KIN: variants seen among roughly 807,000 people sequenced by gnomAD.
The protein encoded by KIN is Kin17 DNA and RNA binding protein.
Under a neutral mutation model 63.0 loss-of-function variants are expected in KIN, and 47 were observed. The observed-to-expected ratio is 0.75, with a 90% CI of 0.59 to 0.95. The LOEUF is 0.95. KIN is among the 40% of genes least tolerant of loss of function. The pLI, the probability that KIN is intolerant of heterozygous loss-of-function variation, is 0.00. For synonymous variants in KIN, 160 were observed against 157.7 expected, an observed-to-expected ratio of 1.01 and a Z score of -0.11; for missense variants, 408 against 460.9, an observed-to-expected ratio of 0.89 and a Z score of 1.05.
Position 7,780,137 on chromosome 10 carries a change from T to G in KIN, c.295A>C (p.Ile99Leu). Residue 99 changes from isoleucine to leucine, a missense_variant, in exon 4 of 13, where the codon ATC becomes CTC. Physicochemically the swap from Ile to Leu is conservative, Grantham distance 5. Coordinates refer to ENST00000379562, the MANE Select transcript of KIN (RefSeq NM_012311.4). ...ATGTGGATGTGCTCTCGGTGGCTGA[T>G]GTATTCGTTGTAGACAATGTTGTTG... Reference protein sequence around the residue: ...VHNNIVYNEYISHREHIHMNA... With the variant: ...VHNNIVYNEYLSHREHIHMNA... 1 of 1,611,280 alleles carries G rather than the reference T, an allele frequency of 6.2e-7. No individual in the cohort carries two copies. The highest frequency in any genetic ancestry group is 8.5e-7 in the Non-Finnish European group (1 of 1,178,352).
At chr10:7,765,929 A>G (rs1251136447) in intron 9 of KIN, 124 bp downstream of exon 9, 1 of 583,448 alleles carries the variant, frequency 1.7e-6, no homozygotes, top group Admixed American at 3.4e-5. Flanking sequence ...ATTATAAGTT[A>G]TAACTAACTC....
At chr10:7,764,631 CG>C (rs914069689) in intron 9 of KIN, among the ~76,000 whole-genome samples, 19 of 152,096 alleles carry the variant, frequency 1.2e-4, no homozygotes, top group African/African-American at 4.3e-4. Context: ...GATAGGTTTA[CG>C]GAAAAATGTG....
intron 2 of KIN, among the ~76,000 whole-genome samples, chr10:7,781,516 A>C (rs1310503409): frequency 6.6e-6 from 1 of 151,202 alleles, no homozygotes; most frequent in Non-Finnish European, 1.5e-5. Flanking sequence ...ACTTTGGGAG[A>C]TCGAGAGAGG....
At position 7,778,969 on chromosome 10, in the gene KIN, C is replaced by T; in HGVS notation, c.427G>A (p.Asp143Asn). Residue 143 changes from aspartate to asparagine, a missense_variant, in exon 5 of 13, where the codon GAC (aspartate) becomes AAC (asparagine). By Grantham distance (23) the Asp-to-Asn change is conservative. Around this residue, in one of 2 missense-constraint regions of KIN, gnomAD observed 298 missense variants for 296.0 expected, o/e 1.01. Transcript: ENST00000379562. ...CGGCGGATAGTTTCTGGGTCCCTGTCTATGTACTGAATATACCAGCCTTTT... is the reference window on the plus strand; with the variant it reads ...CGGCGGATAGTTTCTGGGTCCCTGTTTATGTACTGAATATACCAGCCTTTT... Reference protein sequence around the residue: ...TPKGWYIQYIDRDPETIRRQL... With the variant: ...TPKGWYIQYINRDPETIRRQL... 3.7e-6 allele frequency: 6 copies of T among 1,614,002 alleles called. No homozygotes were observed. The highest frequency in any genetic ancestry group is 5.1e-6 in the Non-Finnish European group (6 of 1,180,010).
At chr10:7,765,969 G>A (rs1356398564) in intron 9 of KIN, 84 bp downstream of exon 9, 2 of 943,826 alleles carry the variant, frequency 2.1e-6, no homozygotes, top group East Asian at 2.4e-5. Flanking sequence ...TGTTTGAAAA[G>A]TTTAGTTACT....
rs778265485 is a variant in KIN at position 7,762,476 on chromosome 10, C to T, written c.999G>A (p.Glu333=). Reference sequence around the variant, plus strand: ...ATTTACCTGGTGCTGGAATTACTGTCTCTAAATGAGTCTGGTCAAGTTTCA... The same window carrying T: ...ATTTACCTGGTGCTGGAATTACTGTTTCTAAATGAGTCTGGTCAAGTTTCA... The part of the protein sequence containing the change: ...DKLKLDQTHL[E]TVIPAPGKRI... Residue 333 remains glutamate (E), a synonymous_variant, in exon 11 of 13, where the codon GAG becomes GAA. Transcript: ENST00000379562. 6.2e-7 allele frequency: 1 copy of T among 1,608,232 alleles called. No homozygotes were observed.
Position 7,751,680 on chromosome 10 carries a change from T to C in KIN, c.*4400A>G, listed in dbSNP as rs867685407. The C allele has an allele frequency of 1.3e-5, 2 of 152,230 alleles. No individual in the cohort carries two copies. Among genetic ancestry groups the C allele is most frequent in the Non-Finnish European group, 2.9e-5 (2 of 68,042 alleles). 9.4% of individuals were successfully genotyped at this position (152,230 alleles called of 1,614,324 possible). On this transcript the variant is annotated 3_prime_UTR_variant, in exon 13 of 13. Transcript: ENST00000379562. ...TGAAAAACCTACTGCATCTTTTCCA[T>C]TTCCTATTTCAAAAATAGAAAAATA...
In KIN at chr10:7,778,840, G is replaced by C. The variant is rs947944866; in HGVS notation, c.556C>G (p.Gln186Glu). Residue 186 changes from glutamine (Q) to glutamate (E), a missense_variant and splice_region_variant, in exon 5 of 13, where the codon CAG becomes GAG. By Grantham distance (29) the Gln-to-Glu change is conservative. This residue lies in a region of KIN where 298 missense variants were observed against 296.0 expected (regional missense o/e 1.01). Transcript: ENST00000379562. ...QVRRGLEGKE[Q>E]EVPTFTELSR... ...TCAGGATGATGTTGCTTACCCACCT[G>C]TTCCTTCCCTTCCAGGCCTCTTCTC... 2 of 1,613,628 alleles carry C rather than the reference G, an allele frequency of 1.2e-6. No homozygotes were observed. Among genetic ancestry groups the C allele is most frequent in the Non-Finnish European group, 1.7e-6 (2 of 1,179,914 alleles).
chr10:7,770,881 T>C (rs1353023814), intron 7 of KIN, among the ~76,000 whole-genome samples: 1 of 152,220 alleles, frequency 6.6e-6, no homozygotes, highest in East Asian at 1.9e-4. Context: ...TACTTTAAGC[T>C]TGAAGTCAAC....
rs1835283593 is a variant in KIN at position 7,753,991 on chromosome 10, A to AG, written c.*2088dup. The stretch of plus-strand genomic sequence containing the variant: ...AGCTTATACCCATCCTCATGTTTGA[A>AG]GTGATCATCCTGGTATGGTCTGTTT... On this transcript the variant is annotated 3_prime_UTR_variant, in exon 13 of 13. Coordinates refer to ENST00000379562, the MANE Select transcript of KIN (RefSeq NM_012311.4). 6.6e-6 allele frequency: 3 copies of AG among 455,498 alleles called. No homozygotes were observed. Among genetic ancestry groups the AG allele is most frequent in the Non-Finnish European group, 1.3e-5 (3 of 226,586 alleles). 28.2% of individuals were successfully genotyped at this position (455,498 alleles called of 1,614,324 possible).
At chr10:7,785,134 A>G (rs907725164) in intron 1 of KIN, among the ~76,000 whole-genome samples, 1 of 151,912 alleles carries the variant, frequency 6.6e-6, no homozygotes, top group Non-Finnish European at 1.5e-5. Flanking sequence ...CTGTGGTCCC[A>G]GCTACTTGGG....
rs1431678657 is a variant in KIN at position 7,755,852 on chromosome 10, T to A, written c.*228A>T. 4 of 339,200 alleles carry A rather than the reference T, an allele frequency of 1.2e-5. No homozygotes were observed. The highest frequency in any genetic ancestry group is 4.2e-5 in the African/African-American group (2 of 47,080). 21.0% of individuals were successfully genotyped at this position (339,200 alleles called of 1,614,324 possible). ...GAAGATATAAACTCATCAAGTAAATTACAAAGGAAACAAAAATAACAAGGA... is the reference window on the plus strand; with the variant it reads ...GAAGATATAAACTCATCAAGTAAATAACAAAGGAAACAAAAATAACAAGGA... On this transcript the variant is annotated 3_prime_UTR_variant, in exon 13 of 13. Coordinates refer to ENST00000379562, the MANE Select transcript of KIN (RefSeq NM_012311.4).
intron 8 of KIN, among the ~76,000 whole-genome samples, chr10:7,766,654 T>C (rs1303835673): frequency 6.6e-6 from 1 of 152,118 alleles, no homozygotes; most frequent in East Asian, 1.9e-4. Context: ...TTTTTCTTTC[T>C]CAACTGCTTA....
rs952347476 is a variant in KIN, at chr10:7,756,143, C to T, written c.1120-1G>A. 1 of 1,543,828 alleles carries T rather than the reference C, an allele frequency of 6.5e-7. No individual in the cohort carries two copies. The highest frequency in any genetic ancestry group is 1.4e-5 in the African/African-American group (1 of 72,646). On this transcript the variant is annotated splice_acceptor_variant, in intron 12 of 12. Transcript: ENST00000379562. LOFTEE classifies it high-confidence loss of function. ...CAACTCTGCGTCCTTTTAAAGGGCCCTACAAATTAAAATAATTTAAAATAA... is the reference window on the plus strand; with the variant it reads ...CAACTCTGCGTCCTTTTAAAGGGCCTTACAAATTAAAATAATTTAAAATAA...
chr10:7,770,782 G>C (rs1337763607), intron 7 of KIN, among the ~76,000 whole-genome samples: 1 of 152,186 alleles, frequency 6.6e-6, no homozygotes, highest in Non-Finnish European at 1.5e-5. Flanking sequence ...TATATGATTA[G>C]TAGAGAATAC....
chr10:7,770,604 C>A (rs1835648278), intron 7 of KIN, among the ~76,000 whole-genome samples: 1 of 152,142 alleles, frequency 6.6e-6, no homozygotes, highest in Non-Finnish European at 1.5e-5. Context: ...TTTTTTCCTG[C>A]AAAGTAGCAG....
rs1835296393 is a variant in KIN, at chr10:7,754,577, G to A, written c.*1503C>T. The stretch of plus-strand genomic sequence containing the variant: ...GAACCCGGGAGGTGGAGGTTGCAGT[G>A]AGCCGAGATTGCACTACTGCAATCA... On this transcript the variant is annotated 3_prime_UTR_variant, in exon 13 of 13. Transcript: ENST00000379562. 6.6e-6 allele frequency: 1 copy of A among 152,190 alleles called. No individual in the cohort carries two copies. The highest frequency in any genetic ancestry group is 2.4e-5 in the African/African-American group (1 of 41,256). 9.4% of individuals were successfully genotyped at this position (152,190 alleles called of 1,614,324 possible).
Position 7,775,810 on chromosome 10 carries a change from G to A in KIN, c.559-11C>T, listed in dbSNP as rs1294094770. On this transcript the variant is annotated splice_polypyrimidine_tract_variant and intron_variant, in intron 5 of 12. Coordinates refer to ENST00000379562, the MANE Select transcript of KIN (RefSeq NM_012311.4). ...AAAAGTAGGGACCTCCTAAAAAAAAGAAAGTTTTAAGGTTTTGGTGTACAT... is the reference window on the plus strand; with the variant it reads ...AAAAGTAGGGACCTCCTAAAAAAAAAAAAGTTTTAAGGTTTTGGTGTACAT... 1 of 1,531,586 alleles carries A rather than the reference G, an allele frequency of 6.5e-7. No homozygotes were observed. The highest frequency in any genetic ancestry group is 1.4e-5 in the African/African-American group (1 of 71,862). 94.9% of individuals were successfully genotyped at this position (1,531,586 alleles called of 1,614,324 possible).
intron 1 of KIN, 88 bp downstream of exon 1, chr10:7,787,732 C>T (rs1021607486): frequency 2.9e-6 from 3 of 1,026,410 alleles, no homozygotes; most frequent in African/African-American, 3.1e-5. Flanking sequence ...GGAGCCCCAG[C>T]CCCGCGCCCT....
Sources: gnomAD v4.1 joint callset for allele counts (sites outside exome capture counted in the v4.1 genomes callset) on GRCh38, gnomAD v4.1.1 for gene constraint, gnomAD v4.1.1 regional missense constraint, MANE v1.5 for transcripts, NCBI Gene and HGNC (gene_info 2026-07-23, HGNC 2026-07-21) for gene names.